The following RIN3 variants were observed in gnomAD, a reference collection of about 807,000 sequenced individuals.
RIN3 encodes RAB5 interacting protein 3.
In RIN3, 54 loss-of-function variants were observed where a neutral mutation model predicts 76.3. That is an observed-to-expected ratio of 0.71 (90% CI 0.57 to 0.89). RIN3 has a LOEUF of 0.89. RIN3 is among the 40% of genes least tolerant of loss of function. The pLI, the probability that RIN3 is intolerant of heterozygous loss-of-function variation, is 0.00. For synonymous variants in RIN3, 576 were observed against 564.0 expected (o/e 1.02, Z -0.30); for missense variants, 1,256 against 1,322.1 (o/e 0.95, Z 0.78).
At chr14:92,664,919 C>A (rs913112186) in intron 7 of RIN3, among the ~76,000 whole-genome samples, 14 of 152,148 alleles carry the variant, frequency 9.2e-5, no homozygotes, top group Admixed American at 2.0e-4. Context: ...TTTAGAATTT[C>A]CCCCTCATGT....
intron 3 of RIN3, among the ~76,000 whole-genome samples, chr14:92,590,769 C>T (rs1434051967): frequency 6.6e-6 from 1 of 152,162 alleles, no homozygotes; most frequent in Non-Finnish European, 1.5e-5. Flanking sequence ...AAAACTGAGA[C>T]ATACTTTTGA....
At chr14:92,574,058 C>T (rs562538859) in intron 2 of RIN3, among the ~76,000 whole-genome samples, 43 of 152,242 alleles carry the variant, frequency 2.8e-4, no homozygotes, top group Admixed American at 2.3e-3. Context: ...GAAGCAGTGT[C>T]GTTTGGGGTA....
intron 3 of RIN3, among the ~76,000 whole-genome samples, chr14:92,607,159 A>G (rs1885555781): frequency 1.3e-5 from 2 of 152,270 alleles, no homozygotes; most frequent in South Asian, 4.1e-4. Flanking sequence ...AGGATGTTCA[A>G]CATCATTAAT....
At chr14:92,530,046 G>A (rs956792589) in intron 1 of RIN3, among the ~76,000 whole-genome samples, 1 of 152,220 alleles carries the variant, frequency 6.6e-6, no homozygotes, top group Non-Finnish European at 1.5e-5. Context: ...TTCAGTATTC[G>A]CTCAGTGTTC....
In RIN3 at chr14:92,513,972, A is replaced by C; in HGVS notation, c.40A>C (p.Thr14Pro). The C allele has an allele frequency of 8.1e-7, 1 of 1,240,790 alleles. No individual in the cohort carries two copies. The highest frequency in any genetic ancestry group is 1.0e-6 in the Non-Finnish European group (1 of 992,768). 76.9% of individuals were successfully genotyped at this position (1,240,790 alleles called of 1,614,324 possible). ...CGGGGCGCCCGCGCGCGGGGACCCC[A>C]CGGGGTAAGTCCGGGCGGCCGCCCC... ...HAGAPARGDPTGPVPVVGKGE... is the reference protein window; with the variant it reads ...HAGAPARGDPPGPVPVVGKGE... Residue 14 changes from threonine to proline, a missense_variant, in exon 1 of 10, where the codon ACG (threonine) becomes CCG (proline). Physicochemically the swap from Thr to Pro is conservative, Grantham distance 38. Around this residue, in one of 3 missense-constraint regions of RIN3, gnomAD observed 610 missense variants for 626.4 expected, o/e 0.97. Coordinates refer to ENST00000216487, the MANE Select transcript of RIN3 (RefSeq NM_024832.5).
At chr14:92,668,381 T>A (rs1304596410) in intron 7 of RIN3, among the ~76,000 whole-genome samples, 2 of 152,044 alleles carry the variant, frequency 1.3e-5, no homozygotes, top group African/African-American at 4.8e-5. Flanking sequence ...CAAGCCAGAG[T>A]GGGACTTCAT....
rs550314670 is a variant in RIN3, at chr14:92,648,608, G to T, written c.533-2974G>T. Among the ~76,000 whole-genome samples the T allele has an allele frequency of 6.6e-6, 1 of 152,308 alleles. No individual in the cohort carries two copies. The highest frequency in any genetic ancestry group is 1.9e-4 in the East Asian group (1 of 5,182). On this transcript the variant is annotated intron_variant, in intron 5 of 9. Coordinates refer to ENST00000216487, the MANE Select transcript of RIN3 (RefSeq NM_024832.5). The surrounding 1 kb of genome is among the most constrained non-coding windows in gnomAD (Gnocchi z 4.1). ...CTCCGGCTAAGCTAATCCACTCATGGGTGCCAAGGGGCTGACACTGGGCCC... is the reference window on the plus strand; with the variant it reads ...CTCCGGCTAAGCTAATCCACTCATGTGTGCCAAGGGGCTGACACTGGGCCC...
At chr14:92,661,307 G>A (rs1312334216) in intron 7 of RIN3, among the ~76,000 whole-genome samples, 1 of 152,186 alleles carries the variant, frequency 6.6e-6, no homozygotes, top group Non-Finnish European at 1.5e-5. Context: ...GGTATGATTG[G>A]GGTATGGTGC....
At chr14:92,555,630 C>G (rs1292365203) in intron 1 of RIN3, 121 bp from the exon 2 acceptor site, 23 of 921,092 alleles carry the variant, frequency 2.5e-5, no homozygotes, top group South Asian at 1.5e-4. Flanking sequence ...TTTTAATTCC[C>G]CAAAGGGCCA....
chr14:92,652,741 C>A lies in RIN3; in HGVS notation c.1692C>A (p.Ser564Arg). The A allele has an allele frequency of 6.2e-7, 1 of 1,613,828 alleles. No homozygotes were observed. The highest frequency in any genetic ancestry group is 8.5e-7 in the Non-Finnish European group (1 of 1,180,032). The change falls in exon 6 of 10, where the codon AGC (serine) becomes AGA (arginine). Residue 564 changes from serine (S) to arginine (R), a missense_variant. Ser to Arg is a moderately radical substitution (Grantham distance 110). Transcript: ENST00000216487. The surrounding 1 kb of genome is among the most constrained non-coding windows in gnomAD (Gnocchi z 6.4). Reference protein sequence around the residue: ...STEEELEQFSSPSVKKKPSMI... With the variant: ...STEEELEQFSRPSVKKKPSMI... Reference sequence around the variant, plus strand: ...AGGAGGAGCTGGAGCAGTTCAGCAGCCCCAGCGTGAAGAAGAAGCCCTCCA... The same window carrying A: ...AGGAGGAGCTGGAGCAGTTCAGCAGACCCAGCGTGAAGAAGAAGCCCTCCA...
intron 4 of RIN3, among the ~76,000 whole-genome samples, chr14:92,622,783 TGAATG>T (rs777020269): frequency 1.3e-5 from 2 of 152,178 alleles, no homozygotes; most frequent in African/African-American, 2.4e-5. Flanking sequence ...GGCTGATAGA[TGAATG>T]GGTATGATTA....
At chr14:92,562,296 A>G (rs749056152) in intron 2 of RIN3, among the ~76,000 whole-genome samples, 1 of 151,820 alleles carries the variant, frequency 6.6e-6, no homozygotes, top group Non-Finnish European at 1.5e-5. Context: ...ACCTTGATCA[A>G]TTGCTGGGGT....
intron 7 of RIN3, among the ~76,000 whole-genome samples, chr14:92,671,332 A>G (rs1166542175): frequency 1.3e-5 from 2 of 151,388 alleles, no homozygotes; most frequent in African/African-American, 4.9e-5. Context: ...GGAGGGGGGG[A>G]ACTGCGTGTG....
At position 92,663,965 on chromosome 14, in the gene RIN3, C is replaced by T. The variant is rs147564304; in HGVS notation, c.2335+4496C>T. ...ACTCTTTAAATGGGGCTAGGAACGC[C>T]TCTCTCTGGGCTATTGTGAGGGTCA... On this transcript the variant is annotated intron_variant, in intron 7 of 9. Transcript: ENST00000216487. Among the ~76,000 whole-genome samples the T allele has an allele frequency of 9.3e-4, 141 of 152,292 alleles. 1 individual carries two copies. Among genetic ancestry groups the T allele is most frequent in the African/African-American group, 3.2e-3 (132 of 41,558 alleles).
At chr14:92,596,805 C>T (rs1271273776) in intron 3 of RIN3, among the ~76,000 whole-genome samples, 1 of 152,166 alleles carries the variant, frequency 6.6e-6, no homozygotes, top group Non-Finnish European at 1.5e-5. Flanking sequence ...ACTCAACTTC[C>T]AGGTCTGACT....
At chr14:92,515,284 T>C (rs369008896) in intron 1 of RIN3, 253 of 698,004 alleles carry the variant, frequency 3.6e-4, no homozygotes, top group African/African-American at 3.1e-3. Context: ...CACACCCACT[T>C]GCAAGTATCT....
At chr14:92,518,480 C>T (rs1238790189) in intron 1 of RIN3, among the ~76,000 whole-genome samples, 2 of 152,154 alleles carry the variant, frequency 1.3e-5, no homozygotes, top group African/African-American at 2.4e-5. Context: ...AACTCCATTC[C>T]GCAGCAGCTG....
intron 2 of RIN3, among the ~76,000 whole-genome samples, chr14:92,572,359 A>G (rs959005310): frequency 2.6e-5 from 4 of 152,200 alleles, no homozygotes; most frequent in South Asian, 4.1e-4. Flanking sequence ...ACACTCCGCC[A>G]TTTTGCCTCT....
At chr14:92,600,043 C>T (rs1486862032) in intron 3 of RIN3, among the ~76,000 whole-genome samples, 1 of 152,194 alleles carries the variant, frequency 6.6e-6, no homozygotes, top group Non-Finnish European at 1.5e-5. Context: ...TTCAGAGACC[C>T]TCCAGTTCTA....
Sources: allele counts gnomAD v4.1 joint callset (sites outside exome capture counted in the v4.1 genomes callset), GRCh38; gene constraint gnomAD v4.1.1; regional missense constraint gnomAD v4.1.1; non-coding constraint Gnocchi (gnomAD v3.1); transcripts MANE v1.5; gene names NCBI Gene and HGNC (gene_info 2026-07-23, HGNC 2026-07-21).